PCDHGB1: variants seen among roughly 807,000 people sequenced by gnomAD.
PCDHGB1 encodes the protein protocadherin gamma subfamily B, 1.
In PCDHGB1, 34 loss-of-function variants were observed where a neutral mutation model predicts 56.6. The ratio of observed to expected loss-of-function variants is 0.60; its 90% CI spans 0.46 to 0.80. The LOEUF is 0.80. Among genes scored for constraint, PCDHGB1 ranks in the 30% least tolerant of loss-of-function variants. The pLI is 0.00. For synonymous variants in PCDHGB1, 561 were observed against 505.9 expected (o/e 1.11, Z -1.46); for missense variants, 1,278 against 1,204.6 (o/e 1.06, Z -0.90).
intron 2 of PCDHGB1, among the ~76,000 whole-genome samples, chr5:141,500,948 A>G (rs1055841985): frequency 1.8e-4 from 28 of 151,592 alleles, no homozygotes; most frequent in Non-Finnish European, 4.4e-5. Context: ...GGCTCACTGC[A>G]AGCTCCACCT....
chr5:141,377,638 G>T (rs1588842725), intron 1 of PCDHGB1: 1 of 151,416 alleles, frequency 6.6e-6, no homozygotes, highest in East Asian at 1.9e-4. Flanking sequence ...TTTTCTCAGT[G>T]TTACTTGATA....
intron 1 of PCDHGB1, chr5:141,383,092 C>G (rs200016406): frequency 6.2e-7 from 1 of 1,613,932 alleles, no homozygotes; most frequent in South Asian, 1.1e-5. Context: ...GCGCGGAGTC[C>G]GCATCATCTC....
intron 1 of PCDHGB1, chr5:141,424,304 C>T (rs909355692): frequency 2.0e-5 from 3 of 152,464 alleles, no homozygotes; most frequent in Admixed American, 2.0e-4. Flanking sequence ...CCTATCAACA[C>T]AGACATATTG....
chr5:141,429,330 T>C (rs2097204620), intron 1 of PCDHGB1, among the ~76,000 whole-genome samples: 1 of 152,188 alleles, frequency 6.6e-6, no homozygotes, highest in East Asian at 1.9e-4. Flanking sequence ...CTTTAATCCA[T>C]TAACTATAAA....
Position 141,431,724 on chromosome 5 carries a change from T to C in PCDHGB1, c.2410-63083T>C, listed in dbSNP as rs758754345. The C allele has an allele frequency of 6.2e-7, 1 of 1,614,036 alleles. No individual in the cohort carries two copies. Among genetic ancestry groups the C allele is most frequent in the Non-Finnish European group, 8.5e-7 (1 of 1,180,036 alleles). On this transcript the variant is annotated intron_variant, in intron 1 of 3. Coordinates refer to ENST00000523390, the MANE Select transcript of PCDHGB1 (RefSeq NM_018922.3). This position sits in a 1 kb window ranked among gnomAD's most constrained non-coding sequence, Gnocchi z 4.8. The stretch of plus-strand genomic sequence containing the variant: ...TTCTACCAGATGGAAGTGCAAGCAA[T>C]GGATAATGCAGGATATTCTGCGCGA...
intron 1 of PCDHGB1, chr5:141,395,340 G>T (rs529007241): frequency 2.1e-6 from 3 of 1,419,360 alleles, no homozygotes; most frequent in Non-Finnish European, 1.9e-6. Flanking sequence ...TAATTTTTAA[G>T]GTGTATCACA....
chr5:141,419,926 G>A lies in PCDHGB1; in HGVS notation c.2409+67257G>A. 3 of 1,614,096 alleles carry A rather than the reference G, an allele frequency of 1.9e-6. No homozygotes were observed. In the South Asian group the frequency reaches 3.3e-5, roughly 18 times the overall value. On this transcript the variant is annotated intron_variant, in intron 1 of 3. Transcript: ENST00000523390. ...CCTCTGACTCCCAGGCTGAGATGCA[G>A]TTTTACCTGGTGGTGGCCTTGGCCT... is the stretch of plus-strand genomic sequence containing the variant.
At chr5:141,440,030 G>A (rs780807702) in intron 1 of PCDHGB1, 2 of 153,028 alleles carry the variant, frequency 1.3e-5, no homozygotes, top group African/African-American at 2.4e-5. Context: ...ACTCAGTGTC[G>A]AGGACATGCC....
intron 1 of PCDHGB1, chr5:141,383,195 G>C: frequency 2.5e-6 from 4 of 1,614,044 alleles, no homozygotes; most frequent in Non-Finnish European, 3.4e-6. Flanking sequence ...TGCGCTCAGA[G>C]TGCGCGGTGT....
At chr5:141,353,528 T>G (rs1236615692) in intron 1 of PCDHGB1, among the ~76,000 whole-genome samples, 2 of 152,208 alleles carry the variant, frequency 1.3e-5, no homozygotes, top group Non-Finnish European at 2.9e-5. Context: ...AATTTTATAT[T>G]TGCATCACTA....
intron 1 of PCDHGB1, among the ~76,000 whole-genome samples, chr5:141,459,532 TA>T (rs1031834752): frequency 6.6e-5 from 10 of 152,354 alleles, no homozygotes; most frequent in East Asian, 3.9e-4. Context: ...TTTGTAGGCA[TA>T]TTTTTTTTAT....
In PCDHGB1 at chr5:141,432,877, C is replaced by T. The variant is rs375043811; in HGVS notation, c.2410-61930C>T. 108 of 1,614,082 alleles carry T rather than the reference C, an allele frequency of 6.7e-5. No homozygotes were observed. Among genetic ancestry groups the T allele is most frequent in the Non-Finnish European group, 7.6e-5 (90 of 1,180,018 alleles). On this transcript the variant is annotated intron_variant, in intron 1 of 3. Coordinates refer to ENST00000523390, the MANE Select transcript of PCDHGB1 (RefSeq NM_018922.3). The surrounding 1 kb of genome is among the most constrained non-coding windows in gnomAD (Gnocchi z 6.0). Reference sequence around the variant, plus strand: ...CCGCGGTCTCCTGCGTCTTCCTGGCCTTCGTCATCTTGCTGCTGGCGCTCA... The same window carrying T: ...CCGCGGTCTCCTGCGTCTTCCTGGCTTTCGTCATCTTGCTGCTGGCGCTCA...
chr5:141,496,993 C>G (rs981547671), intron 2 of PCDHGB1, among the ~76,000 whole-genome samples: 1 of 151,910 alleles, frequency 6.6e-6, no homozygotes, highest in South Asian at 2.1e-4. Flanking sequence ...TGAGACCAGC[C>G]TGGCAGCCAA....
At chr5:141,444,752 T>C (rs1376810825) in intron 1 of PCDHGB1, among the ~76,000 whole-genome samples, 2 of 152,228 alleles carry the variant, frequency 1.3e-5, no homozygotes, top group Non-Finnish European at 2.9e-5. Context: ...CTGATATATG[T>C]AGTTCTATTT....
At chr5:141,374,556 A>G in intron 1 of PCDHGB1, 3 of 1,613,690 alleles carry the variant, frequency 1.9e-6, no homozygotes, top group Non-Finnish European at 1.7e-6. Context: ...ATGGAGGTCT[A>G]TGACCCTGAT....
In PCDHGB1 at chr5:141,374,712, T is replaced by C. The variant is rs745500934; in HGVS notation, c.2409+22043T>C. The stretch of plus-strand genomic sequence containing the variant: ...CGGGAAGGAGAAGCCGTTTACCGCC[T>C]GGTCCTTACTGCCATGGATGGCGGC... On this transcript the variant is annotated intron_variant, in intron 1 of 3. Transcript: ENST00000523390. The C allele has an allele frequency of 6.2e-7, 1 of 1,609,662 alleles. No individual in the cohort carries two copies. The highest frequency in any genetic ancestry group is 8.5e-7 in the Non-Finnish European group (1 of 1,177,766).
rs1242637725 is a variant in PCDHGB1 at position 141,432,619 on chromosome 5, T to G, written c.2410-62188T>G. 3.1e-6 allele frequency: 5 copies of G among 1,612,618 alleles called. No homozygotes were observed. The highest frequency in any genetic ancestry group is 1.7e-5 in the Admixed American group (1 of 59,934). On this transcript the variant is annotated intron_variant, in intron 1 of 3. Transcript: ENST00000523390. This position sits in a 1 kb window ranked among gnomAD's most constrained non-coding sequence, Gnocchi z 6.0. ...GCGAGCCGGGACTCTTCTCGGTGGG[T>G]CTGCACACGGGCGAGGTGCGCACGG... is the stretch of plus-strand genomic sequence containing the variant.
chr5:141,453,700 G>T (rs953445370), intron 1 of PCDHGB1, among the ~76,000 whole-genome samples: 1 of 152,166 alleles, frequency 6.6e-6, no homozygotes, highest in East Asian at 1.9e-4. Flanking sequence ...TCCTGGCTTT[G>T]AACAGTTTCA....
In PCDHGB1 at chr5:141,489,353, A is replaced by G. The variant is rs1423278514; in HGVS notation, c.2410-5454A>G. 3.7e-6 allele frequency: 6 copies of G among 1,612,316 alleles called. No homozygotes were observed. In the African/African-American group the frequency reaches 6.7e-5, roughly 18 times the overall value. ...CAGCTTCGTTACTCAGTGGTGGAGG[A>G]GTCTGAGCCGGGGACGCTGGTGGGG... On this transcript the variant is annotated intron_variant, in intron 1 of 3. Transcript: ENST00000523390. This position sits in a 1 kb window ranked among gnomAD's most constrained non-coding sequence, Gnocchi z 4.5.
Sources: gnomAD v4.1 joint callset for allele counts (sites outside exome capture counted in the v4.1 genomes callset) on GRCh38, gnomAD v4.1.1 for gene constraint, Gnocchi (gnomAD v3.1) non-coding constraint, MANE v1.5 for transcripts, NCBI Gene and HGNC (gene_info 2026-07-23, HGNC 2026-07-21) for gene names.